GTF2F2: variants seen among roughly 807,000 people sequenced by gnomAD.
GTF2F2 encodes general transcription factor IIF subunit 2.
In GTF2F2, 23 loss-of-function variants were observed where a neutral mutation model predicts 42.2. The observed-to-expected ratio is 0.55, with a 90% CI of 0.39 to 0.77. GTF2F2 has a LOEUF of 0.77. Among genes scored for constraint, GTF2F2 ranks in the 30% least tolerant of loss-of-function variants. The pLI is 0.00. For missense variants in GTF2F2, 261 were observed against 287.2 expected (o/e 0.91, Z 0.66); for synonymous variants, 105 against 100.8 (o/e 1.04, Z -0.25).
At chr13:45,252,999 C>A (rs2138248094) in intron 6 of GTF2F2, 29 bp downstream of exon 6, 2 of 876,922 alleles carry the variant, frequency 2.3e-6, no homozygotes, top group African/African-American at 1.8e-5. Context: ...TCTTTTCATT[C>A]TTTTATATCT....
chr13:45,184,198 A>G (rs768378099), intron 4 of GTF2F2, among the ~76,000 whole-genome samples: 1 of 151,986 alleles, frequency 6.6e-6, no homozygotes, highest in Non-Finnish European at 1.5e-5. Flanking sequence ...ATAATACTGT[A>G]ATACCTGAAA....
chr13:45,181,339 TTTTA>T (rs904822035), intron 4 of GTF2F2, among the ~76,000 whole-genome samples: 1 of 152,086 alleles, frequency 6.6e-6, no homozygotes, highest in Non-Finnish European at 1.5e-5. Context: ...TTGAAATATA[TTTTA>T]TTTTTCACAG....
intron 7 of GTF2F2, among the ~76,000 whole-genome samples, chr13:45,282,824 C>G (rs1877317834): frequency 6.6e-6 from 1 of 152,102 alleles, no homozygotes; most frequent in African/African-American, 2.4e-5. Flanking sequence ...CTTCTTACTC[C>G]CTTATCTGTG....
intron 1 of GTF2F2, among the ~76,000 whole-genome samples, chr13:45,129,025 G>A (rs562461608): frequency 3.9e-5 from 6 of 152,254 alleles, no homozygotes; most frequent in South Asian, 4.1e-4. Flanking sequence ...GGCCTAAATC[G>A]TAGTCTCCAG....
chr13:45,259,625 C>T (rs1876246632), intron 6 of GTF2F2, among the ~76,000 whole-genome samples: 1 of 146,382 alleles, frequency 6.8e-6, no homozygotes, highest in Non-Finnish European at 1.5e-5. Flanking sequence ...TAGAAGGAAA[C>T]CTCTTTCTCG....
chr13:45,265,929 G>T (rs1285787331), intron 6 of GTF2F2, among the ~76,000 whole-genome samples: 1 of 152,134 alleles, frequency 6.6e-6, no homozygotes, highest in Non-Finnish European at 1.5e-5. Flanking sequence ...CACCAGGTTG[G>T]CCCCTTCAAC....
intron 6 of GTF2F2, among the ~76,000 whole-genome samples, chr13:45,261,129 AAAG>A (rs1876323887): frequency 6.6e-6 from 1 of 151,932 alleles, no homozygotes; most frequent in African/African-American, 2.4e-5. Flanking sequence ...CCATCTCAAA[AAAG>A]AAAAGGTTTG....
At chr13:45,137,643 C>T (rs998180008) in intron 2 of GTF2F2, among the ~76,000 whole-genome samples, 5 of 152,188 alleles carry the variant, frequency 3.3e-5, no homozygotes, top group African/African-American at 1.2e-4. Flanking sequence ...CTAGCAAGCT[C>T]ATTCACATGA....
intron 4 of GTF2F2, among the ~76,000 whole-genome samples, chr13:45,176,305 C>T (rs541767311): frequency 5.3e-5 from 8 of 152,102 alleles, no homozygotes; most frequent in Non-Finnish European, 1.2e-4. Context: ...TAACTCCTCT[C>T]TAATGATATT....
intron 6 of GTF2F2, among the ~76,000 whole-genome samples, chr13:45,257,693 A>G (rs1329562619): frequency 1.3e-5 from 2 of 152,168 alleles, no homozygotes; most frequent in Non-Finnish European, 2.9e-5. Flanking sequence ...TATTTATATT[A>G]TTATAAAACT....
At chr13:45,262,739 A>G (rs1240342211) in intron 6 of GTF2F2, among the ~76,000 whole-genome samples, 1 of 151,618 alleles carries the variant, frequency 6.6e-6, no homozygotes, top group Non-Finnish European at 1.5e-5. Flanking sequence ...TTTGTTATTT[A>G]TTTATTTATT....
At chr13:45,206,227 A>T (rs1236664636) in intron 4 of GTF2F2, 1 of 152,180 alleles carries the variant, frequency 6.6e-6, no homozygotes, top group African/African-American at 2.4e-5. Flanking sequence ...GTGTGCTTGT[A>T]ATTAGTTCGT....
Position 45,246,586 on chromosome 13 carries a change from A to G in GTF2F2, c.387-6285A>G, listed in dbSNP as rs545063143. 2.1e-3 allele frequency among the ~76,000 whole-genome samples: 327 copies of G among 152,308 alleles called. 3 individuals carry two copies. The highest frequency in any genetic ancestry group is 9.1e-3 in the Admixed American group (140 of 15,302). ...CATTTTTGCCCCATTCTATTCTGCAAATAGTAGCCAGAGGAATATTTTTAA... is the reference window on the plus strand; with the variant it reads ...CATTTTTGCCCCATTCTATTCTGCAGATAGTAGCCAGAGGAATATTTTTAA... On this transcript the variant is annotated intron_variant, in intron 5 of 7. Transcript: ENST00000340473.
intron 1 of GTF2F2, among the ~76,000 whole-genome samples, chr13:45,121,189 C>T (rs1194368228): frequency 6.6e-6 from 1 of 152,210 alleles, no homozygotes; most frequent in Non-Finnish European, 1.5e-5. Context: ...CTTAATGAAG[C>T]TCTCAAAAGA....
intron 4 of GTF2F2, among the ~76,000 whole-genome samples, chr13:45,183,465 G>A (rs1872261256): frequency 6.6e-6 from 1 of 152,142 alleles, no homozygotes; most frequent in African/African-American, 2.4e-5. Context: ...CAAAAGGGAA[G>A]CAAGACGGGG....
chr13:45,217,314 A>AT (rs1206108343), intron 5 of GTF2F2, among the ~76,000 whole-genome samples: 2 of 151,714 alleles, frequency 1.3e-5, no homozygotes, highest in Non-Finnish European at 2.9e-5. Flanking sequence ...AAAAAAAAAA[A>AT]AAGATTCAGC....
chr13:45,246,925 C>T (rs1487518877), intron 5 of GTF2F2, among the ~76,000 whole-genome samples: 1 of 151,886 alleles, frequency 6.6e-6, no homozygotes, highest in East Asian at 1.9e-4. Context: ...GTAGTCCCAG[C>T]TACTTGGGAA....
rs573536149 is a variant in GTF2F2, at chr13:45,160,131, C to A, written c.304+8300C>A. ...GGCTCTTTTATACATTATGTGCTAA[C>A]ATTTTTATTTAAAAATCGATTTTCC... is the stretch of plus-strand genomic sequence containing the variant. On this transcript the variant is annotated intron_variant, in intron 4 of 7. Coordinates refer to ENST00000340473, the MANE Select transcript of GTF2F2 (RefSeq NM_004128.3). 7.9e-5 allele frequency among the ~76,000 whole-genome samples: 12 copies of A among 152,234 alleles called. 1 individual carries two copies. The South Asian group carries it at 2.5e-3, about 32-fold the overall frequency.
chr13:45,225,764 T>A, intron 5 of GTF2F2, among the ~76,000 whole-genome samples: 1 of 152,180 alleles, frequency 6.6e-6, no homozygotes, highest in Admixed American at 6.5e-5. Context: ...CAAATGCATT[T>A]AAGAAGTTTC....
Sources: allele counts gnomAD v4.1 joint callset (sites outside exome capture counted in the v4.1 genomes callset), GRCh38; gene constraint gnomAD v4.1.1; transcripts MANE v1.5; gene names NCBI Gene and HGNC (gene_info 2026-07-23, HGNC 2026-07-21).